PAFAH1B2: variants seen among roughly 807,000 people sequenced by gnomAD.
PAFAH1B2 encodes platelet activating factor acetylhydrolase 1b catalytic subunit 2.
PAFAH1B2 carries 8 observed loss-of-function variants against 28.0 expected under a neutral mutation model. That is an observed-to-expected ratio of 0.29 (90% CI 0.17 to 0.52). The LOEUF is 0.52. Among genes scored for constraint, PAFAH1B2 ranks in the 20% least tolerant of loss-of-function variants. The pLI is 0.97. For missense variants in PAFAH1B2, 190 were observed against 282.6 expected (o/e 0.67, Z 2.35); for synonymous variants, 104 against 103.2 (o/e 1.01, Z -0.05).
rs758077782 is a variant in PAFAH1B2 at position 117,160,009 on chromosome 11, A to T, written c.157A>T (p.Met53Leu). ...LFVGDSMVQL[M>L]QQYEIWRELF... ...CGTGGGAGACTCCATGGTGCAGTTA[A>T]TGCAGCAATATGAGGTAAAGGTGGA... Residue 53 changes from methionine (M) to leucine (L), a missense_variant, in exon 3 of 6, where the codon ATG (methionine) becomes TTG (leucine). By Grantham distance (15) the Met-to-Leu change is conservative. Coordinates refer to ENST00000527958, the MANE Select transcript of PAFAH1B2 (RefSeq NM_002572.4). The T allele has an allele frequency of 6.2e-7, 1 of 1,611,322 alleles. No homozygotes were observed. The highest frequency in any genetic ancestry group is 1.1e-5 in the South Asian group (1 of 91,038).
Position 117,169,821 on chromosome 11 carries a change from C to G in PAFAH1B2, c.*2122C>G. On this transcript the variant is annotated 3_prime_UTR_variant, in exon 6 of 6. Coordinates refer to ENST00000527958, the MANE Select transcript of PAFAH1B2 (RefSeq NM_002572.4). The stretch of plus-strand genomic sequence containing the variant: ...GTGTGTGGAAAGACAGTTTTCTATC[C>G]ACGTCTTTTTCTGTTTGTCAGAAGG... 9.5e-7 allele frequency: 1 copy of G among 1,055,314 alleles called. No individual in the cohort carries two copies. Among genetic ancestry groups the G allele is most frequent in the Non-Finnish European group, 1.1e-6 (1 of 873,164 alleles). 65.4% of individuals were successfully genotyped at this position (1,055,314 alleles called of 1,614,324 possible).
chr11:117,156,816 A>T (rs905502584), intron 2 of PAFAH1B2, among the ~76,000 whole-genome samples: 5 of 152,046 alleles, frequency 3.3e-5, no homozygotes, highest in African/African-American at 1.2e-4. Context: ...TGAGTTCCAG[A>T]CCAGCCTGGG....
Position 117,144,430 on chromosome 11 carries a change from C to T in PAFAH1B2, c.-8+12C>T, listed in dbSNP as rs944051096. On this transcript the variant is annotated intron_variant, in intron 1 of 5. Coordinates refer to ENST00000527958, the MANE Select transcript of PAFAH1B2 (RefSeq NM_002572.4). ...GACCCTCTACTTCAGTGAGTGCATC[C>T]AGGGTCGCAGGGAACCGGTGGCTTA... The T allele has an allele frequency of 3.2e-5, 10 of 313,792 alleles. No homozygotes were observed. The highest frequency in any genetic ancestry group is 6.2e-5 in the Non-Finnish European group (9 of 146,340). The allele number at this position is 313,792 out of a possible 1,614,324, so 19.4% of individuals were successfully genotyped here.
intron 3 of PAFAH1B2, among the ~76,000 whole-genome samples, chr11:117,160,523 C>T (rs577277762): frequency 2.6e-5 from 4 of 152,274 alleles, no homozygotes; most frequent in East Asian, 1.9e-4. Flanking sequence ...GCTCCATCGT[C>T]GAGGCTGGAG....
At position 117,168,446 on chromosome 11, in the gene PAFAH1B2, GTTTTTTTTTTT is replaced by G; in HGVS notation, c.*762_*772del. 9 of 234,816 alleles carry G rather than the reference GTTTTTTTTTTT, an allele frequency of 3.8e-5. No individual in the cohort carries two copies. In the African/African-American group the frequency reaches 6.4e-4, roughly 17 times the overall value. 14.5% of individuals were successfully genotyped at this position (234,816 alleles called of 1,614,324 possible). On this transcript the variant is annotated 3_prime_UTR_variant, in exon 6 of 6. Coordinates refer to ENST00000527958, the MANE Select transcript of PAFAH1B2 (RefSeq NM_002572.4). ...TCCCCTTCATTCCCCCCGCCACCCCGTTTTTTTTTTTTTTTTTTTTTTTTTGGTTCTTGTTG... is the reference window on the plus strand; with the variant it reads ...TCCCCTTCATTCCCCCCGCCACCCCGTTTTTTTTTTTTTTGGTTCTTGTTG...
chr11:117,167,372 G>C (rs1468382580), intron 5 of PAFAH1B2, 49 bp from the exon 6 acceptor site: 1 of 1,489,150 alleles, frequency 6.7e-7, no homozygotes, highest in East Asian at 2.3e-5. Flanking sequence ...ATAATAAGTA[G>C]AGAAAAATAA....
intron 1 of PAFAH1B2, among the ~76,000 whole-genome samples, chr11:117,145,856 T>G (rs556026866): frequency 6.6e-6 from 1 of 152,364 alleles, no homozygotes; most frequent in African/African-American, 2.4e-5. Flanking sequence ...GTTATAACGC[T>G]TTGTTGTTGG....
At chr11:117,159,734 T>TAG in intron 2 of PAFAH1B2, 200 bp from the exon 3 acceptor site, 1 of 495,604 alleles carries the variant, frequency 2.0e-6, no homozygotes, top group Non-Finnish European at 3.6e-6. Context: ...GACGCTGTCT[T>TAG]AGAAAAAAAA....
chr11:117,173,027 C>T (rs1042898148), downstream of PAFAH1B2, among the ~76,000 whole-genome samples: 2 of 152,166 alleles, frequency 1.3e-5, no homozygotes, highest in African/African-American at 4.8e-5. Flanking sequence ...ATTTCTAAGC[C>T]AAAGACCCAA....
chr11:117,174,246 C>G (rs1956732794), downstream of PAFAH1B2, among the ~76,000 whole-genome samples: 1 of 149,462 alleles, frequency 6.7e-6, no homozygotes, highest in African/African-American at 2.5e-5. Flanking sequence ...GCACAATGGC[C>G]TGTGGTCGCA....
intron 2 of PAFAH1B2, 133 bp from the exon 3 acceptor site, chr11:117,159,801 G>C: frequency 1.6e-6 from 1 of 637,540 alleles, no homozygotes; most frequent in South Asian, 1.9e-5. Flanking sequence ...ATATTACCCA[G>C]GCTGATCTCA....
At chr11:117,148,479 G>A (rs1956067614) in intron 1 of PAFAH1B2, among the ~76,000 whole-genome samples, 1 of 152,170 alleles carries the variant, frequency 6.6e-6, no homozygotes, top group African/African-American at 2.4e-5. Context: ...TCATGGAGAA[G>A]TTTCCTTAGG....
In PAFAH1B2 at chr11:117,152,542, C is replaced by G; in HGVS notation, c.81+14C>G. ...TGGATGTCTCAGGTAAAAGGAAGTG[C>G]ATGTGTATCATTCACATGAGTTGAG... On this transcript the variant is annotated intron_variant, in intron 2 of 5. Transcript: ENST00000527958. The G allele has an allele frequency of 3.9e-6, 6 of 1,545,470 alleles. No individual in the cohort carries two copies. Among genetic ancestry groups the G allele is most frequent in the Non-Finnish European group, 5.4e-6 (6 of 1,117,388 alleles).
downstream of PAFAH1B2, among the ~76,000 whole-genome samples, chr11:117,177,926 G>A (rs2030074419): frequency 1.3e-5 from 2 of 152,186 alleles, no homozygotes; most frequent in South Asian, 4.1e-4. Context: ...CTTCATGATA[G>A]TGCATTTAAC....
chr11:117,163,539 G>A (rs375973638), intron 4 of PAFAH1B2, among the ~76,000 whole-genome samples: 5 of 152,186 alleles, frequency 3.3e-5, no homozygotes, highest in South Asian at 4.1e-4. Context: ...TGGGCGTGGC[G>A]GCACATGCCT....
chr11:117,146,107 T>G (rs1482771300), intron 1 of PAFAH1B2, among the ~76,000 whole-genome samples: 2 of 67,920 alleles, frequency 2.9e-5, no homozygotes, highest in Admixed American at 1.5e-4. Flanking sequence ...CTGCTTGGTC[T>G]TTCTTTCTTT....
At position 117,170,294 on chromosome 11, in the gene PAFAH1B2, G is replaced by A. The variant is rs15030; in HGVS notation, c.*2595G>A. ...GCCAACTTTCCAGGCAGCTAGCAGA[G>A]ATACTATTCTCTTCCTCTCCCAGCA... is the stretch of plus-strand genomic sequence containing the variant. On this transcript the variant is annotated 3_prime_UTR_variant, in exon 6 of 6. Transcript: ENST00000527958. The A allele has an allele frequency of 1.9e-4, 204 of 1,062,282 alleles. No individual in the cohort carries two copies. Among genetic ancestry groups the A allele is most frequent in the Non-Finnish European group, 2.2e-4 (190 of 877,964 alleles). 65.8% of individuals were successfully genotyped at this position (1,062,282 alleles called of 1,614,324 possible). A position where few individuals can be genotyped will look rare whatever the true frequency, so the allele number is the denominator to read the frequency against.
chr11:117,160,277 TTG>T (rs1956344951), intron 3 of PAFAH1B2, among the ~76,000 whole-genome samples: 1 of 152,216 alleles, frequency 6.6e-6, no homozygotes, highest in Non-Finnish European at 1.5e-5. Flanking sequence ...GATGTTATAT[TTG>T]TTTATATTTG....
At position 117,168,446 on chromosome 11, in the gene PAFAH1B2, G is replaced by GTTGTTT. The variant is rs1956564166; in HGVS notation, c.*749_*750insGTTTTT. The stretch of plus-strand genomic sequence containing the variant: ...TCCCCTTCATTCCCCCCGCCACCCC[G>GTTGTTT]TTTTTTTTTTTTTTTTTTTTTTTTT... On this transcript the variant is annotated 3_prime_UTR_variant, in exon 6 of 6. Transcript: ENST00000527958. 10 of 235,948 alleles carry GTTGTTT rather than the reference G, an allele frequency of 4.2e-5. No homozygotes were observed. The highest frequency in any genetic ancestry group is 7.2e-4 in the Admixed American group (1 of 1,396). The allele number at this position is 235,948 out of a possible 1,614,324, so 14.6% of individuals were successfully genotyped here. A position where few individuals can be genotyped will look rare whatever the true frequency, so the allele number is the denominator to read the frequency against.
Sources: allele counts gnomAD v4.1 joint callset (sites outside exome capture counted in the v4.1 genomes callset), GRCh38; gene constraint gnomAD v4.1.1; transcripts MANE v1.5; gene names NCBI Gene and HGNC (gene_info 2026-07-23, HGNC 2026-07-21).